PDE1C: variants seen among roughly 807,000 people sequenced by gnomAD.
PDE1C encodes the protein dual specificity calcium/calmodulin-dependent 3',5'-cyclic nucleotide phosphodiesterase 1C.
In PDE1C, 62 loss-of-function variants were observed where a neutral mutation model predicts 93.1. That is an observed-to-expected ratio of 0.67 (90% CI 0.54 to 0.82). The LOEUF (loss-of-function observed/expected upper bound fraction) is 0.82, where lower values mean the gene tolerates loss of function less well. PDE1C is among the 40% of genes least tolerant of loss of function. The probability of loss-of-function intolerance (pLI) is 0.00; values close to 1 mark genes in which losing one functional copy is unlikely to be tolerated. For synonymous variants in PDE1C, 325 were observed against 310.1 expected, an observed-to-expected ratio of 1.05 and a Z score of -0.50; for missense variants, 742 against 884.6, an observed-to-expected ratio of 0.84 and a Z score of 2.04.
intron 1 of PDE1C, among the ~76,000 whole-genome samples, chr7:32,374,291 G>GAAAGAA (rs1784394697): frequency 6.7e-6 from 1 of 149,156 alleles, no homozygotes; most frequent in Non-Finnish European, 1.5e-5. Context: ...AAGAAAGAAA[G>GAAAGAA]AAAGAAAGAA....
intron 16 of PDE1C, among the ~76,000 whole-genome samples, chr7:31,803,671 G>C (rs1786394497): frequency 6.6e-6 from 1 of 151,906 alleles, no homozygotes; most frequent in Admixed American, 6.6e-5. Flanking sequence ...CCTTGCGACA[G>C]TTTGCTGAGA....
chr7:32,126,201 C>CTAGATAGA (rs5883326), intron 3 of PDE1C, among the ~76,000 whole-genome samples: 16,151 of 146,846 alleles, frequency 0.11, 893 homozygotes, highest in Non-Finnish European at 0.11. Context: ...ATCCACTATT[C>CTAGATAGA]TAGATAGATA....
chr7:32,197,843 T>G (rs1804726403), intron 2 of PDE1C, among the ~76,000 whole-genome samples: 1 of 152,174 alleles, frequency 6.6e-6, no homozygotes, highest in Non-Finnish European at 1.5e-5. Flanking sequence ...GACTTCTTTT[T>G]GGGGTGACAA....
chr7:32,098,229 C>CAAAAAAA lies in PDE1C; in HGVS notation c.308+71549_308+71555dup, dbSNP rs60146342. Among the ~76,000 whole-genome samples the CAAAAAAA allele has an allele frequency of 1.6e-3, 72 of 46,234 alleles. 6 individuals carry two copies. The highest frequency in any genetic ancestry group is 4.2e-3 in the African/African-American group (50 of 11,824). 30.3% of individuals were successfully genotyped at this position (46,234 alleles called of 152,430 possible). A position where few individuals can be genotyped will look rare whatever the true frequency, so the allele number is the denominator to read the frequency against. On this transcript the variant is annotated intron_variant, in intron 3 of 18. Transcript: ENST00000396193. ...TGGGCGACAGAGCGAGACTCCGTCT[C>CAAAAAAA]AAAAAAAAAAAAAAAAAAGACATAA...
chr7:32,120,281 C>G (rs1431868237), intron 3 of PDE1C, among the ~76,000 whole-genome samples: 3 of 152,222 alleles, frequency 2.0e-5, no homozygotes, highest in African/African-American at 7.2e-5. Flanking sequence ...GCCGCAGTCT[C>G]TGCAGACCGT....
chr7:31,799,372 A>G lies in PDE1C; in HGVS notation c.1891+9659T>C, dbSNP rs1384745088. ...CCCTATAGGCAACTAACATTTTTCA[A>G]AATATGAACATGATGAAAATTAAAT... On this transcript the variant is annotated intron_variant, in intron 16 of 17. Coordinates refer to ENST00000396191, the MANE Select transcript of PDE1C (RefSeq NM_001191057.4). Among the ~76,000 whole-genome samples the G allele has an allele frequency of 2.0e-5, 3 of 151,774 alleles. No homozygotes were observed. The South Asian group carries it at 6.2e-4, about 31-fold the overall frequency.
intron 2 of PDE1C, among the ~76,000 whole-genome samples, chr7:31,923,399 C>A (rs1489060632): frequency 6.6e-6 from 1 of 152,094 alleles, no homozygotes; most frequent in Admixed American, 6.5e-5. Context: ...CAAGTGGCCC[C>A]AAGACACCTG....
At chr7:32,368,113 A>G (rs564129593) in intron 1 of PDE1C, among the ~76,000 whole-genome samples, 2 of 152,196 alleles carry the variant, frequency 1.3e-5, no homozygotes, top group African/African-American at 2.4e-5. Flanking sequence ...CTCTTATTCA[A>G]CGTAGTACTG....
At chr7:31,728,807 A>T in the PDE1C span, among the ~76,000 whole-genome samples, 2 of 152,222 alleles carry the variant, frequency 1.3e-5, no homozygotes, top group African/African-American at 4.8e-5. Flanking sequence ...CAGAGGTGAC[A>T]TTTGAGCTTT....
At chr7:32,041,461 T>G (rs1431090404) in intron 2 of PDE1C, among the ~76,000 whole-genome samples, 2 of 152,058 alleles carry the variant, frequency 1.3e-5, no homozygotes, top group African/African-American at 4.8e-5. Context: ...TTTATGAGAA[T>G]AAACAAAGCA....
the PDE1C span, among the ~76,000 whole-genome samples, chr7:31,638,149 A>C: frequency 6.6e-6 from 1 of 152,344 alleles, no homozygotes; most frequent in South Asian, 2.1e-4. Flanking sequence ...TACTGCAAGA[A>C]TCATCATGAA....
the PDE1C span, chr7:31,651,173 C>T: frequency 3.9e-5 from 63 of 1,613,410 alleles, no homozygotes; most frequent in East Asian, 9.6e-4. Context: ...GCCATGAAGA[C>T]GATATGCCAA....
At chr7:31,765,627 C>G (rs560193547) in intron 17 of PDE1C, among the ~76,000 whole-genome samples, 19 of 152,294 alleles carry the variant, frequency 1.2e-4, no homozygotes, top group African/African-American at 4.3e-4. Context: ...CATAACAAAG[C>G]TGGATCAAGT....
At chr7:31,948,724 C>G (rs1806959310) in intron 2 of PDE1C, among the ~76,000 whole-genome samples, 1 of 151,896 alleles carries the variant, frequency 6.6e-6, no homozygotes, top group Admixed American at 6.6e-5. Flanking sequence ...TTTTTTGTTC[C>G]ATCATCCTAA....
intron 2 of PDE1C, among the ~76,000 whole-genome samples, chr7:32,044,070 C>T (rs1221452084): frequency 6.6e-6 from 1 of 152,102 alleles, no homozygotes; most frequent in Non-Finnish European, 1.5e-5. Flanking sequence ...TTTTGGGGAG[C>T]ATATTCCCCA....
At chr7:32,133,599 A>G (rs1374171311) in intron 3 of PDE1C, among the ~76,000 whole-genome samples, 1 of 152,180 alleles carries the variant, frequency 6.6e-6, no homozygotes, top group Non-Finnish European at 1.5e-5. Flanking sequence ...GTCTTAAAGT[A>G]CTAAAATGAA....
intron 7 of PDE1C, among the ~76,000 whole-genome samples, chr7:31,853,714 T>G (rs920652593): frequency 4.0e-5 from 6 of 151,180 alleles, no homozygotes; most frequent in Non-Finnish European, 8.8e-5. Context: ...TTTGTTTTTG[T>G]TTTTGTTTTT....
At chr7:31,711,589 T>C in the PDE1C span, among the ~76,000 whole-genome samples, 5 of 152,196 alleles carry the variant, frequency 3.3e-5, no homozygotes, top group Non-Finnish European at 5.9e-5. Flanking sequence ...TGCTTTCTGA[T>C]GGTTTTCTCC....
chr7:31,884,409 TAAG>T (rs1050852640), intron 2 of PDE1C, among the ~76,000 whole-genome samples: 1 of 151,788 alleles, frequency 6.6e-6, no homozygotes, highest in African/African-American at 2.4e-5. Flanking sequence ...ATCAACACAA[TAAG>T]AAGTTTCTTT....
Sources: allele counts gnomAD v4.1 joint callset (sites outside exome capture counted in the v4.1 genomes callset), GRCh38; gene constraint gnomAD v4.1.1; transcripts MANE v1.5; gene names NCBI Gene and HGNC (gene_info 2026-07-23, HGNC 2026-07-21).